FPGS: variants seen among roughly 807,000 people sequenced by gnomAD.
FPGS encodes folylpolyglutamate synthase, mitochondrial.
A neutral mutation model predicts 66.5 loss-of-function variants in FPGS; 53 were observed. The observed-to-expected ratio is 0.80, with a 90% confidence interval of 0.64 to 1.00. The LOEUF (loss-of-function observed/expected upper bound fraction) is 1.00. Among genes scored for constraint, FPGS ranks in the 50% least tolerant of loss-of-function variants. The pLI, the probability that FPGS is intolerant of heterozygous loss-of-function variation, is 0.00. For missense variants in FPGS, 702 were observed against 807.7 expected (o/e 0.87, Z 1.59); for synonymous variants, 348 against 350.9 (o/e 0.99, Z 0.09).
At chr9:127,811,406 C>T (rs571233250) in intron 14 of FPGS, among the ~76,000 whole-genome samples, 136 of 151,560 alleles carry the variant, frequency 9.0e-4, no homozygotes, top group African/African-American at 3.1e-3. Flanking sequence ...GGCGTGAACT[C>T]GGGAGGCGGA....
chr9:127,804,770 G>A, intron 4 of FPGS, 70 bp downstream of exon 4: 1 of 1,506,374 alleles, frequency 6.6e-7, no homozygotes, highest in Admixed American at 1.7e-5. Flanking sequence ...ACCAGCCAGT[G>A]CTTCAGGACC....
chr9:127,805,971 T>C (rs927648385), intron 4 of FPGS, among the ~76,000 whole-genome samples: 9 of 152,254 alleles, frequency 5.9e-5, no homozygotes, highest in African/African-American at 1.7e-4. Context: ...CAAGCCGATA[T>C]GTTTTCCCTA....
In FPGS at chr9:127,806,931, CGCTCGGGAAGGGAGTCCTGATGACCCCA is replaced by C; in HGVS notation, c.387-38_387-11del. 1.3e-6 allele frequency: 2 copies of C among 1,487,692 alleles called. No homozygotes were observed. Among genetic ancestry groups the C allele is most frequent in the Non-Finnish European group, 1.9e-6 (2 of 1,066,530 alleles). 92.2% of individuals were successfully genotyped at this position (1,487,692 alleles called of 1,614,324 possible). ...CCTGCAGGGTGGGGGAAGGCCAGGA[CGCTCGGGAAGGGAGTCCTGATGACCCCA>C]GCTGTCCCGGCAGCTCTCCCCACCT... On this transcript the variant is annotated splice_polypyrimidine_tract_variant and intron_variant, in intron 4 of 14. Coordinates refer to ENST00000373247, the MANE Select transcript of FPGS (RefSeq NM_004957.6).
At chr9:127,804,255 A>T (rs553009253) in intron 1 of FPGS, 30 bp from the exon 2 acceptor site, 1 of 1,609,714 alleles carries the variant, frequency 6.2e-7, no homozygotes, top group South Asian at 1.1e-5. Flanking sequence ...AGTGAGCCTT[A>T]ACCTACTATC....
chr9:127,802,946 C>G lies in FPGS; in HGVS notation c.22C>G (p.Leu8Val). The G allele has an allele frequency of 7.1e-7, 1 of 1,404,100 alleles. No individual in the cohort carries two copies. The highest frequency in any genetic ancestry group is 1.5e-5 in the South Asian group (1 of 66,664). 87.0% of individuals were successfully genotyped at this position (1,404,100 alleles called of 1,614,324 possible). MSRARSH[L>V]RAALFLAAAS... ...GACTATGTCGCGGGCGCGGAGCCAC[C>G]TGCGCGCCGCTCTATTCCTGGCAGC... The change falls in exon 1 of 15, where the codon CTG (leucine) becomes GTG (valine). Residue 8 changes from leucine (L) to valine (V), a missense_variant. Physicochemically the swap from Leu to Val is conservative, Grantham distance 32 (BLOSUM62 1). This residue lies in a region of FPGS where 111 missense variants were observed against 95.4 expected (regional missense o/e 1.16). Coordinates refer to ENST00000373247, the MANE Select transcript of FPGS (RefSeq NM_004957.6).
In FPGS at chr9:127,807,009, C is replaced by G. The variant is rs76706331; in HGVS notation, c.423C>G (p.Arg141=). 3.8e-4 allele frequency: 613 copies of G among 1,614,134 alleles called. No homozygotes were observed. The African/African-American group carries it at 7.5e-3, about 20-fold the overall frequency. Residue 141 remains arginine, a synonymous_variant, in exon 5 of 15, where the codon CGC becomes CGG. Coordinates refer to ENST00000373247, the MANE Select transcript of FPGS (RefSeq NM_004957.6). The surrounding 1 kb of genome is among the most constrained non-coding windows in gnomAD (Gnocchi z 5.8). ...TGGTGCAGGTTCGGGAGCGGATCCGCATCAATGGGCAGCCCATCAGTCCTG... is the reference window on the plus strand; with the variant it reads ...TGGTGCAGGTTCGGGAGCGGATCCGGATCAATGGGCAGCCCATCAGTCCTG... ...PHLVQVRERI[R]INGQPISPEL...
At chr9:127,812,437 TCTC>T (rs1488362181) in intron 14 of FPGS, among the ~76,000 whole-genome samples, 1 of 151,308 alleles carries the variant, frequency 6.6e-6, no homozygotes, top group African/African-American at 2.4e-5. Flanking sequence ...TTCAAATGAT[TCTC>T]CTGCCTCAGC....
Position 127,803,034 on chromosome 9 carries a change from T to C in FPGS, c.110T>C (p.Val37Ala). Residue 37 changes from valine to alanine, a missense_variant, in exon 1 of 15, where the codon GTG becomes GCG. Transcript: ENST00000373247. ...CGGCGGGGCTTGAGCGCGTGGCCGG[T>C]GCCGCAGGAGCCGAGCATGGAGTAC... ...AARRGLSAWPVPQEPSMEYQD... is the reference protein window; with the variant it reads ...AARRGLSAWPAPQEPSMEYQD... The C allele has an allele frequency of 6.9e-7, 1 of 1,449,188 alleles. No individual in the cohort carries two copies. Among genetic ancestry groups the C allele is most frequent in the Non-Finnish European group, 9.0e-7 (1 of 1,110,908 alleles). 89.8% of individuals were successfully genotyped at this position (1,449,188 alleles called of 1,614,324 possible).
chr9:127,809,018 G>A, intron 11 of FPGS, 129 bp downstream of exon 11: 1 of 711,764 alleles, frequency 1.4e-6, no homozygotes, highest in Non-Finnish European at 2.3e-6. Context: ...TTAAGAGAAA[G>A]GACTCTGATG....
chr9:127,804,889 A>ATT, intron 4 of FPGS, 189 bp downstream of exon 4: 1 of 575,138 alleles, frequency 1.7e-6, no homozygotes, highest in Non-Finnish European at 3.0e-6. Context: ...GGCAACCTTT[A>ATT]ATTTTTTTTT....
Position 127,808,825 on chromosome 9 carries a change from G to C in FPGS, c.996G>C (p.Arg332Ser), listed in dbSNP as rs181035766. Residue 332 changes from arginine (R) to serine (S), a missense_variant, in exon 11 of 15, where the codon AGG (arginine) becomes AGC (serine). Around this residue, in one of 3 missense-constraint regions of FPGS, gnomAD observed 351 missense variants for 363.7 expected, o/e 0.97. Coordinates refer to ENST00000373247, the MANE Select transcript of FPGS (RefSeq NM_004957.6). Reference protein sequence around the residue: ...RHGAGEPKASRPGLLWQLPLA... With the variant: ...RHGAGEPKASSPGLLWQLPLA... ...GTGCTGGGGAGCCAAAGGCATCCAGGCCAGGGCTCCTGTGGCAGCTGCCCC... is the reference window on the plus strand; with the variant it reads ...GTGCTGGGGAGCCAAAGGCATCCAGCCCAGGGCTCCTGTGGCAGCTGCCCC... 2.6e-4 allele frequency: 406 copies of C among 1,563,112 alleles called. No individual in the cohort carries two copies. The highest frequency in any genetic ancestry group is 3.6e-4 in the Admixed American group (19 of 52,540).
At chr9:127,812,071 C>T (rs1830103029) in intron 14 of FPGS, among the ~76,000 whole-genome samples, 1 of 151,094 alleles carries the variant, frequency 6.6e-6, no homozygotes, top group Admixed American at 6.6e-5. Context: ...AAAAGCCAGA[C>T]CTCATCTCTA....
chr9:127,805,729 G>T (rs947731460), intron 4 of FPGS, among the ~76,000 whole-genome samples: 1 of 152,260 alleles, frequency 6.6e-6, no homozygotes, highest in Admixed American at 6.5e-5. Flanking sequence ...AACGATAAGG[G>T]TGGCTTGTGC....
Position 127,813,717 on chromosome 9 carries a change from CTAGGGGCCAGGGCTTT to C in FPGS, c.*114_*129del. On this transcript the variant is annotated 3_prime_UTR_variant, in exon 15 of 15. Coordinates refer to ENST00000373247, the MANE Select transcript of FPGS (RefSeq NM_004957.6). Reference sequence around the variant, plus strand: ...CTTTCCTGGTTCTGTCTAGACTGGCCTAGGGGCCAGGGCTTTGGGATGGGAGGCCGGGAGAGGATGT... The same window carrying C: ...CTTTCCTGGTTCTGTCTAGACTGGCCGGGATGGGAGGCCGGGAGAGGATGT... 3 of 1,373,464 alleles carry C rather than the reference CTAGGGGCCAGGGCTTT, an allele frequency of 2.2e-6. No homozygotes were observed. Among genetic ancestry groups the C allele is most frequent in the Non-Finnish European group, 2.8e-6 (3 of 1,067,352 alleles). 85.1% of individuals were successfully genotyped at this position (1,373,464 alleles called of 1,614,324 possible).
intron 4 of FPGS, chr9:127,806,707 T>G: frequency 4.1e-6 from 2 of 485,578 alleles, no homozygotes; most frequent in Non-Finnish European, 7.6e-6. Context: ...TTGGAGCCCA[T>G]AGAATGTGCA....
Position 127,807,501 on chromosome 9 carries a change from G to T in FPGS, c.641+19G>T. The T allele has an allele frequency of 1.2e-6, 2 of 1,613,894 alleles. No homozygotes were observed. Among genetic ancestry groups the T allele is most frequent in the Non-Finnish European group, 1.7e-6 (2 of 1,179,908 alleles). The stretch of plus-strand genomic sequence containing the variant: ...TCATCAGGTGAGCGCAGTTGCTTGG[G>T]ACGAGGGGTGGCAGCCAGGAGCACA... On this transcript the variant is annotated intron_variant, in intron 7 of 14. Coordinates refer to ENST00000373247, the MANE Select transcript of FPGS (RefSeq NM_004957.6). The surrounding 1 kb of genome is among the most constrained non-coding windows in gnomAD (Gnocchi z 5.8).
At position 127,807,451 on chromosome 9, in the gene FPGS, G is replaced by A; in HGVS notation, c.610G>A (p.Gly204Ser). The A allele has an allele frequency of 1.9e-6, 3 of 1,614,116 alleles. No individual in the cohort carries two copies. The highest frequency in any genetic ancestry group is 2.5e-6 in the Non-Finnish European group (3 of 1,179,994). The change falls in exon 7 of 15, where the codon GGC (glycine) becomes AGC (serine). Residue 204 changes from glycine to serine, a missense_variant. Around this residue, in one of 3 missense-constraint regions of FPGS, gnomAD observed 240 missense variants for 348.6 expected, o/e 0.69. Transcript: ENST00000373247. This position sits in a 1 kb window ranked among gnomAD's most constrained non-coding sequence, Gnocchi z 5.8. The part of the protein sequence containing the change: ...VDLAVVEVGI[G>S]GAYDCTNIIR... ...CCTGGCAGTGGTGGAGGTGGGCATT[G>A]GCGGGGCTTATGACTGCACCAACAT... is the stretch of plus-strand genomic sequence containing the variant.
intron 14 of FPGS, among the ~76,000 whole-genome samples, chr9:127,812,836 C>T (rs555122349): frequency 7.2e-5 from 11 of 152,272 alleles, no homozygotes; most frequent in Non-Finnish European, 1.5e-4. Context: ...CTGGAATCTG[C>T]GTTTTTAACC....
At chr9:127,810,001 C>G (rs374813563) in intron 12 of FPGS, 30 bp from the exon 13 acceptor site, 12 of 1,597,956 alleles carry the variant, frequency 7.5e-6, no homozygotes, top group Non-Finnish European at 1.0e-5. Flanking sequence ...GGGCGGCGCC[C>G]TTTGACCCAG....
Sources: allele counts gnomAD v4.1 joint callset (sites outside exome capture counted in the v4.1 genomes callset), GRCh38; gene constraint gnomAD v4.1.1; regional missense constraint gnomAD v4.1.1; non-coding constraint Gnocchi (gnomAD v3.1); transcripts MANE v1.5; gene names NCBI Gene and HGNC (gene_info 2026-07-23, HGNC 2026-07-21).